The following DLGAP2 variants were observed in gnomAD, a reference collection of about 807,000 sequenced individuals.
The protein encoded by DLGAP2 is disks large-associated protein 2.
A neutral mutation model predicts 100.3 loss-of-function variants in DLGAP2; 26 were observed. That is an observed-to-expected ratio of 0.26 (90% CI 0.19 to 0.36). DLGAP2 has a LOEUF of 0.36. DLGAP2 is among the 10% of genes least tolerant of loss of function. The pLI is 1.00. For missense variants in DLGAP2, 1,858 were observed against 1,453.2 expected (o/e 1.28, Z -4.53); for synonymous variants, 886 against 630.1 (o/e 1.41, Z -6.08).
At chr8:1,271,574 C>G (rs1004749221) in intron 3 of DLGAP2, among the ~76,000 whole-genome samples, 2 of 152,006 alleles carry the variant, frequency 1.3e-5, no homozygotes, top group African/African-American at 4.8e-5. Flanking sequence ...TCAGTAGTTG[C>G]AATAAAGAGT....
chr8:1,569,884 G>A, intron 6 of DLGAP2, among the ~76,000 whole-genome samples: 1 of 151,626 alleles, frequency 6.6e-6, no homozygotes, highest in East Asian at 1.9e-4. Context: ...GCTCTGTGGA[G>A]GGCAGGTAGA....
chr8:1,320,287 A>T (rs1800865051), intron 3 of DLGAP2, among the ~76,000 whole-genome samples: 1 of 152,078 alleles, frequency 6.6e-6, no homozygotes, highest in African/African-American at 2.4e-5. Context: ...AGATCCAAGC[A>T]GACACAAGGT....
chr8:1,132,405 T>C (rs1158342206), intron 2 of DLGAP2, among the ~76,000 whole-genome samples: 1 of 152,168 alleles, frequency 6.6e-6, no homozygotes, highest in East Asian at 1.9e-4. Flanking sequence ...AATATTACAG[T>C]TAAGCTACTT....
chr8:1,063,179 A>C (rs1468888420), intron 2 of DLGAP2, among the ~76,000 whole-genome samples: 1 of 152,222 alleles, frequency 6.6e-6, no homozygotes, highest in East Asian at 1.9e-4. Flanking sequence ...GATACGCCGC[A>C]AAGTGCTGCC....
chr8:1,024,616 T>C (rs1000921416), intron 2 of DLGAP2, among the ~76,000 whole-genome samples: 2 of 152,304 alleles, frequency 1.3e-5, no homozygotes, highest in South Asian at 4.1e-4. Flanking sequence ...TACTCCCTCA[T>C]GCTCTGTTGT....
chr8:763,252 G>A (rs910839224), intron 1 of DLGAP2, among the ~76,000 whole-genome samples: 7 of 152,184 alleles, frequency 4.6e-5, no homozygotes, highest in Admixed American at 3.3e-4. Flanking sequence ...ACTTCCCTTC[G>A]CGTGCTACTG....
At chr8:1,601,886 A>G (rs1310611934) in intron 6 of DLGAP2, among the ~76,000 whole-genome samples, 1 of 151,594 alleles carries the variant, frequency 6.6e-6, no homozygotes, top group Non-Finnish European at 1.5e-5. Context: ...CATTTTTTTC[A>G]CCAGGCAATC....
Position 1,330,477 on chromosome 8 carries a change from G to A in DLGAP2, c.106+71594G>A, listed in dbSNP as rs116502000. 4.6e-3 allele frequency among the ~76,000 whole-genome samples: 502 copies of A among 108,944 alleles called. 7 individuals are homozygous for A. The highest frequency in any genetic ancestry group is 0.015 in the African/African-American group (460 of 30,136). 71.5% of individuals were successfully genotyped at this position (108,944 alleles called of 152,430 possible). ...GTTCTGGGTGGGAGCACCACTTCAC[G>A]AGGACTGAGTTTTGGGTGGGAGCAC... On this transcript the variant is annotated intron_variant, in intron 3 of 14. Coordinates refer to ENST00000637795, the MANE Select transcript of DLGAP2 (RefSeq NM_001346810.2).
intron 4 of DLGAP2, among the ~76,000 whole-genome samples, chr8:1,519,694 G>A (rs1334839399): frequency 6.6e-6 from 1 of 152,204 alleles, no homozygotes; most frequent in Non-Finnish European, 1.5e-5. Flanking sequence ...CTCATTGTGG[G>A]CCTGGGATCC....
At chr8:785,526 C>T (rs1413232260) in intron 1 of DLGAP2, among the ~76,000 whole-genome samples, 1 of 146,576 alleles carries the variant, frequency 6.8e-6, no homozygotes, top group Non-Finnish European at 1.5e-5. Context: ...TTTCTGAGAC[C>T]GGCTTCCCTC....
In DLGAP2 at chr8:1,095,823, A is replaced by G. The variant is rs570371133; in HGVS notation, c.74-163028A>G. On this transcript the variant is annotated intron_variant, in intron 2 of 14. Transcript: ENST00000637795. ...AATAGGTAATAAAGCAATTGCATGC[A>G]TTAGGAAGAGCTTATTTATTTTTCA... Among the ~76,000 whole-genome samples, 16 of 152,346 alleles carry G rather than the reference A, an allele frequency of 1.1e-4. No homozygotes were observed. In the South Asian group the frequency reaches 1.5e-3, roughly 14 times the overall value.
intron 2 of DLGAP2, among the ~76,000 whole-genome samples, chr8:1,075,685 G>T (rs974679280): frequency 6.6e-6 from 1 of 152,114 alleles, no homozygotes; most frequent in African/African-American, 2.4e-5. Context: ...GTGGAAGCAG[G>T]AGGGCCCGTC....
intron 8 of DLGAP2, among the ~76,000 whole-genome samples, chr8:1,648,595 C>G (rs1055603139): frequency 6.6e-6 from 1 of 152,078 alleles, no homozygotes; most frequent in Non-Finnish European, 1.5e-5. Flanking sequence ...TCCCCAGGTC[C>G]CCTTCTGCAT....
At chr8:1,288,481 TCA>T (rs1246394956) in intron 3 of DLGAP2, among the ~76,000 whole-genome samples, 1 of 104,222 alleles carries the variant, frequency 9.6e-6, no homozygotes, top group Non-Finnish European at 1.9e-5. Context: ...TTGTTTCAGT[TCA>T]GTGTGTGTGT....
chr8:1,130,373 C>G (rs1179702941), intron 2 of DLGAP2, among the ~76,000 whole-genome samples: 1 of 152,058 alleles, frequency 6.6e-6, no homozygotes. Flanking sequence ...TAATAAAAAG[C>G]AACTCACAGA....
intron 2 of DLGAP2, among the ~76,000 whole-genome samples, chr8:1,164,216 C>A (rs1475054019): frequency 5.4e-5 from 7 of 128,992 alleles, no homozygotes; most frequent in South Asian, 2.5e-4. Context: ...CAGGGCCCGT[C>A]ATTTTGGTTT....
intron 2 of DLGAP2, among the ~76,000 whole-genome samples, chr8:983,241 C>G (rs142812244): frequency 6.6e-6 from 1 of 152,040 alleles, no homozygotes; most frequent in East Asian, 1.9e-4. Context: ...TCGAGATGTT[C>G]TTGTGTCCCT....
intron 2 of DLGAP2, among the ~76,000 whole-genome samples, chr8:1,093,673 A>C (rs1399409760): frequency 6.6e-6 from 1 of 152,150 alleles, no homozygotes; most frequent in Non-Finnish European, 1.5e-5. Context: ...ACACCTTCAC[A>C]CCAACAGCCA....
At chr8:881,186 AG>A (rs1039024643) in intron 1 of DLGAP2, among the ~76,000 whole-genome samples, 2 of 152,228 alleles carry the variant, frequency 1.3e-5, no homozygotes, top group African/African-American at 2.4e-5. Flanking sequence ...TAAGCGACCT[AG>A]GATAGGGATT....
Sources: gnomAD v4.1 joint callset for allele counts (sites outside exome capture counted in the v4.1 genomes callset) on GRCh38, gnomAD v4.1.1 for gene constraint, MANE v1.5 for transcripts, NCBI Gene and HGNC (gene_info 2026-07-23, HGNC 2026-07-21) for gene names.